HDLBP: variants seen among roughly 807,000 people sequenced by gnomAD.
HDLBP encodes the protein high density lipoprotein binding protein, also known as vigilin.
In HDLBP, 30 loss-of-function variants were observed where a neutral mutation model predicts 137.3. The observed-to-expected ratio is 0.22, with a 90% CI of 0.16 to 0.30. HDLBP has a LOEUF of 0.30. HDLBP is among the 10% of genes least tolerant of loss of function. The probability of loss-of-function intolerance (pLI) is 1.00; values close to 1 mark genes in which losing one functional copy is unlikely to be tolerated. For missense variants in HDLBP, 1,119 were observed against 1,667.3 expected (o/e 0.67, Z 5.73); for synonymous variants, 606 against 596.0 (o/e 1.02, Z -0.24).
chr2:241,253,351 C>T, intron 10 of HDLBP, 42 bp downstream of exon 10: 1 of 1,368,958 alleles, frequency 7.3e-7, no homozygotes, highest in Non-Finnish European at 1.0e-6. Flanking sequence ...CTCAGAGCCT[C>T]CCTTGTCACC....
intron 11 of HDLBP, among the ~76,000 whole-genome samples, chr2:241,251,248 C>T (rs764388952): frequency 3.3e-5 from 5 of 152,084 alleles, no homozygotes; most frequent in South Asian, 2.1e-4. Context: ...CAAGAGCCAC[C>T]GTGTCAGGCC....
At chr2:241,280,824 C>G (rs759573511) in intron 1 of HDLBP, among the ~76,000 whole-genome samples, 1 of 152,176 alleles carries the variant, frequency 6.6e-6, no homozygotes, top group African/African-American at 2.4e-5. Context: ...AAAATGGTAT[C>G]TAAAAGAACC....
chr2:241,278,087 A>G (rs1010572094), intron 1 of HDLBP, among the ~76,000 whole-genome samples: 7 of 152,230 alleles, frequency 4.6e-5, no homozygotes, highest in African/African-American at 1.7e-4. Context: ...CTCATCACAG[A>G]CAAAGGAGTA....
chr2:241,286,634 G>A (rs1274906179), intron 1 of HDLBP, among the ~76,000 whole-genome samples: 1 of 152,130 alleles, frequency 6.6e-6, no homozygotes, highest in Non-Finnish European at 1.5e-5. Context: ...GCCCACCTTG[G>A]GCACACGTCA....
At chr2:241,281,655 G>A (rs976822201) in intron 1 of HDLBP, among the ~76,000 whole-genome samples, 6 of 152,296 alleles carry the variant, frequency 3.9e-5, no homozygotes, top group East Asian at 1.9e-4. Flanking sequence ...GCCTTCACAC[G>A]TGGCTAGTTT....
rs772471761 is a variant in HDLBP, at chr2:241,256,294, G to T, written c.763C>A (p.Arg255Ser). ...ACGCTGGGTGGGGGGATGTTGATGC[G>T]CGTGCCTGTCTCCTGCATGATCTCG... Reference protein sequence around the residue: ...VGEIMQETGTRINIPPPSVNR... With the variant: ...VGEIMQETGTSINIPPPSVNR... Residue 255 changes from arginine (R) to serine (S), a missense_variant, in exon 7 of 28, where the codon CGC becomes AGC. Arg to Ser is a moderately radical substitution (Grantham distance 110). This residue lies in a region of HDLBP where 425 missense variants were observed against 693.9 expected (regional missense o/e 0.61). Coordinates refer to ENST00000310931, the MANE Select transcript of HDLBP (RefSeq NM_005336.6). 1 of 1,614,026 alleles carries T rather than the reference G, an allele frequency of 6.2e-7. No individual in the cohort carries two copies.
rs752025970 is a variant in HDLBP at position 241,256,592 on chromosome 2, G to A, written c.657+8C>T. ...GGCAGGGGCACGAGGCACTCACACA[G>A]GCCTCACCTGCTCGGCAGAGATGAG... On this transcript the variant is annotated splice_region_variant and intron_variant, in intron 6 of 27. Transcript: ENST00000310931. The A allele has an allele frequency of 5.0e-6, 8 of 1,612,658 alleles. No homozygotes were observed. The highest frequency in any genetic ancestry group is 1.7e-5 in the Admixed American group (1 of 60,020).
chr2:241,258,991 G>A (rs2072938510), intron 5 of HDLBP, among the ~76,000 whole-genome samples: 1 of 152,074 alleles, frequency 6.6e-6, no homozygotes, highest in East Asian at 1.9e-4. Flanking sequence ...AGATACACTG[G>A]GTAAAACAGG....
intron 2 of HDLBP, chr2:241,267,637 T>TG: frequency 1.3e-6 from 2 of 1,535,754 alleles, no homozygotes; most frequent in Non-Finnish European, 1.7e-6. Flanking sequence ...GGTCTCTCTC[T>TG]GCAAGGTGCA....
intron 1 of HDLBP, among the ~76,000 whole-genome samples, chr2:241,279,415 A>G (rs1296400017): frequency 1.3e-5 from 2 of 152,234 alleles, no homozygotes; most frequent in Non-Finnish European, 2.9e-5. Context: ...ATTTATACAA[A>G]AGATCAAGGA....
chr2:241,282,047 A>C (rs2074628015), intron 1 of HDLBP, among the ~76,000 whole-genome samples: 1 of 152,248 alleles, frequency 6.6e-6, no homozygotes, highest in South Asian at 2.1e-4. Flanking sequence ...TTAGGGGAAA[A>C]GAGTATAAAA....
rs1237565406 is a variant in HDLBP at position 241,239,829 on chromosome 2, T to G, written c.2392-9A>C. On this transcript the variant is annotated splice_polypyrimidine_tract_variant and intron_variant, in intron 18 of 27. Coordinates refer to ENST00000310931, the MANE Select transcript of HDLBP (RefSeq NM_005336.6). The surrounding 1 kb of genome is among the most constrained non-coding windows in gnomAD (Gnocchi z 4.6). ...TCTTCCACCACATTATCCTGCAGTG[T>G]TAAGAAGAGATGGAAGATAAGCCAC... The G allele has an allele frequency of 6.2e-7, 1 of 1,612,578 alleles. No homozygotes were observed. Among genetic ancestry groups the G allele is most frequent in the African/African-American group, 1.3e-5 (1 of 74,880 alleles).
In HDLBP at chr2:241,229,198, G is replaced by T; in HGVS notation, c.*403C>A. On this transcript the variant is annotated 3_prime_UTR_variant, in exon 28 of 28. Coordinates refer to ENST00000310931, the MANE Select transcript of HDLBP (RefSeq NM_005336.6). ...AACTGGCAGGAGGGAGGTGGGAAAG[G>T]AAGAGGGCAAACGTTTGGCTTTTAT... is the stretch of plus-strand genomic sequence containing the variant. 4.8e-6 allele frequency: 1 copy of T among 206,586 alleles called. No homozygotes were observed. Among genetic ancestry groups the T allele is most frequent in the South Asian group, 7.0e-5 (1 of 14,248 alleles). 12.8% of individuals were successfully genotyped at this position (206,586 alleles called of 1,614,324 possible). A position where few individuals can be genotyped will look rare whatever the true frequency, so the allele number is the denominator to read the frequency against.
intron 1 of HDLBP, among the ~76,000 whole-genome samples, chr2:241,269,896 G>A (rs1445853778): frequency 1.3e-5 from 2 of 151,990 alleles, no homozygotes; most frequent in South Asian, 2.1e-4. Flanking sequence ...GCCCTCCCAC[G>A]CTTGCTTGCT....
chr2:241,284,009 G>A (rs1007667589), intron 1 of HDLBP, among the ~76,000 whole-genome samples: 8 of 146,806 alleles, frequency 5.4e-5, no homozygotes, highest in Admixed American at 2.8e-4. Context: ...TAAGCTCACC[G>A]TTAAGATCTA....
At chr2:241,273,351 TCC>T in intron 1 of HDLBP, 1 of 628,426 alleles carries the variant, frequency 1.6e-6, no homozygotes. Flanking sequence ...CAACTTAATC[TCC>T]CCCCCAAAAT....
At chr2:241,267,555 C>G in intron 2 of HDLBP, 7 of 1,533,392 alleles carry the variant, frequency 4.6e-6, no homozygotes, top group South Asian at 1.2e-5. Flanking sequence ...CTTGGTTATT[C>G]TGTCAATTTG....
intron 1 of HDLBP, among the ~76,000 whole-genome samples, chr2:241,299,726 T>A (rs1479120222): frequency 6.6e-6 from 1 of 151,880 alleles, no homozygotes; most frequent in Non-Finnish European, 1.5e-5. Context: ...TCATCCTGGC[T>A]AACACGGTGA....
chr2:241,290,139 C>T (rs1044849642), intron 1 of HDLBP, among the ~76,000 whole-genome samples: 6 of 152,188 alleles, frequency 3.9e-5, no homozygotes, highest in African/African-American at 1.2e-4. Context: ...CCAGCAGGTG[C>T]AGGGTATGCT....
Sources: allele counts gnomAD v4.1 joint callset (sites outside exome capture counted in the v4.1 genomes callset), GRCh38; gene constraint gnomAD v4.1.1; regional missense constraint gnomAD v4.1.1; non-coding constraint Gnocchi (gnomAD v3.1); transcripts MANE v1.5; gene names NCBI Gene and HGNC (gene_info 2026-07-23, HGNC 2026-07-21).